Variants in TRAM1 observed in about 807,000 individuals in gnomAD.
TRAM1 encodes translocating chain-associated membrane protein 1.
TRAM1 carries 17 observed loss-of-function variants against 48.7 expected under a neutral mutation model. That is an observed-to-expected ratio of 0.35 (90% confidence interval 0.24 to 0.52). TRAM1 has a LOEUF of 0.52. Ranked by LOEUF, TRAM1 falls within the 20% of genes least tolerant of loss-of-function variation. The pLI, the probability that TRAM1 is intolerant of heterozygous loss-of-function variation, is 0.94. For synonymous variants in TRAM1, 182 were observed against 154.0 expected (o/e 1.18, Z -1.34); for missense variants, 351 against 441.5 (o/e 0.79, Z 1.84).
intron 10 of TRAM1, among the ~76,000 whole-genome samples, chr8:70,579,575 T>C (rs762041116): frequency 4.6e-5 from 7 of 152,214 alleles, no homozygotes; most frequent in Non-Finnish European, 1.0e-4. Flanking sequence ...TTAACATTGA[T>C]AGTCAATGTA....
At chr8:70,599,620 T>C (rs1164071296) in intron 2 of TRAM1, among the ~76,000 whole-genome samples, 2 of 152,212 alleles carry the variant, frequency 1.3e-5, no homozygotes, top group African/African-American at 2.4e-5. Flanking sequence ...AAGGATTGAT[T>C]GCTATTACAG....
chr8:70,597,794 A>G (rs1326312351), intron 4 of TRAM1, 101 bp downstream of exon 4: 14 of 869,318 alleles, frequency 1.6e-5, no homozygotes, highest in South Asian at 3.0e-5. Flanking sequence ...AATACCTAAA[A>G]CAGATTTATC....
chr8:70,583,894 TC>T, intron 8 of TRAM1, 101 bp from the exon 9 acceptor site: 4 of 1,347,702 alleles, frequency 3.0e-6, no homozygotes, highest in Non-Finnish European at 3.9e-6. Context: ...ACGCCTGTAA[TC>T]CCAGCTACTT....
chr8:70,575,499 G>A (rs953295698), intron 10 of TRAM1, among the ~76,000 whole-genome samples: 1 of 152,072 alleles, frequency 6.6e-6, no homozygotes, highest in African/African-American at 2.4e-5. Flanking sequence ...GCTCAATGCA[G>A]TCTTGAACTC....
At chr8:70,600,435 T>C (rs1817583473) in intron 1 of TRAM1, among the ~76,000 whole-genome samples, 1 of 152,162 alleles carries the variant, frequency 6.6e-6, no homozygotes, top group Non-Finnish European at 1.5e-5. Context: ...AAGTGTAAAT[T>C]AATAAAATAA....
At chr8:70,575,749 G>A (rs1312008088) in intron 10 of TRAM1, among the ~76,000 whole-genome samples, 4 of 152,044 alleles carry the variant, frequency 2.6e-5, no homozygotes, top group African/African-American at 7.2e-5. Context: ...AGATATCATT[G>A]AACTGAATAA....
intron 7 of TRAM1, 35 bp from the exon 8 acceptor site, chr8:70,587,034 A>G: frequency 1.2e-6 from 2 of 1,611,736 alleles, no homozygotes; most frequent in Non-Finnish European, 1.7e-6. Flanking sequence ...GGGAATATTA[A>G]TTATCAATTA....
At chr8:70,603,494 C>T (rs187443476) in intron 1 of TRAM1, among the ~76,000 whole-genome samples, 240 of 152,168 alleles carry the variant, frequency 1.6e-3, no homozygotes, top group African/African-American at 5.6e-3. Flanking sequence ...AGGTGGCTGG[C>T]TCACCTGAGG....
intron 10 of TRAM1, among the ~76,000 whole-genome samples, chr8:70,582,045 T>C (rs1324908730): frequency 6.6e-6 from 1 of 152,186 alleles, no homozygotes; most frequent in Non-Finnish European, 1.5e-5. Flanking sequence ...GTTTGCACGA[T>C]TTTGTGAACA....
intron 1 of TRAM1, chr8:70,607,553 C>T (rs1817769247): frequency 3.2e-6 from 3 of 932,582 alleles, no homozygotes; most frequent in Non-Finnish European, 3.8e-6. Context: ...CGGGGGCTCC[C>T]CTGTCACTCG....
intron 1 of TRAM1, among the ~76,000 whole-genome samples, chr8:70,605,574 A>G (rs1361024488): frequency 6.6e-6 from 1 of 152,268 alleles, no homozygotes; most frequent in Non-Finnish European, 1.5e-5. Context: ...TAGCACAAGT[A>G]CTGTAATTCT....
intron 3 of TRAM1, 57 bp from the exon 4 acceptor site, chr8:70,598,068 T>C (rs2132041579): frequency 6.5e-7 from 1 of 1,543,914 alleles, no homozygotes; most frequent in Non-Finnish European, 8.8e-7. Flanking sequence ...ATATTTAATA[T>C]ATGACTAGCA....
intron 6 of TRAM1, among the ~76,000 whole-genome samples, chr8:70,592,293 C>A (rs1245702587): frequency 6.6e-6 from 1 of 152,184 alleles, no homozygotes; most frequent in Non-Finnish European, 1.5e-5. Flanking sequence ...CTGCTACTAA[C>A]AGCGTTCCTT....
chr8:70,607,041 G>C, intron 1 of TRAM1: 1 of 886,788 alleles, frequency 1.1e-6, no homozygotes, highest in Non-Finnish European at 1.4e-6. Flanking sequence ...ACATGCAGGA[G>C]AGAGGAGACA....
At chr8:70,586,090 G>A (rs1441022718) in intron 8 of TRAM1, among the ~76,000 whole-genome samples, 1 of 151,654 alleles carries the variant, frequency 6.6e-6, no homozygotes, top group African/African-American at 2.4e-5. Flanking sequence ...ATACTATGCA[G>A]CCATAAAAAA....
At chr8:70,575,098 TA>T in intron 10 of TRAM1, 93 bp from the exon 11 acceptor site, 1 of 893,876 alleles carries the variant, frequency 1.1e-6, no homozygotes, top group Non-Finnish European at 1.7e-6. Context: ...AAAGAAAATG[TA>T]AAATCCAATT....
chr8:70,604,619 G>A (rs531717238), intron 1 of TRAM1, among the ~76,000 whole-genome samples: 1 of 151,176 alleles, frequency 6.6e-6, no homozygotes, highest in South Asian at 2.1e-4. Context: ...TCTGACCTGA[G>A]CACCTTACCT....
At chr8:70,590,367 T>C (rs1009414029) in intron 6 of TRAM1, among the ~76,000 whole-genome samples, 21 of 152,224 alleles carry the variant, frequency 1.4e-4, no homozygotes, top group Non-Finnish European at 1.0e-4. Flanking sequence ...CCATTTCTGA[T>C]CTTTTGTCTT....
chr8:70,576,573 T>TC (rs1430817778), intron 10 of TRAM1, among the ~76,000 whole-genome samples: 1 of 152,218 alleles, frequency 6.6e-6, no homozygotes, highest in African/African-American at 2.4e-5. Context: ...AATAGTATTA[T>TC]CTTTTTTTTC....
Sources: allele counts gnomAD v4.1 joint callset (sites outside exome capture counted in the v4.1 genomes callset), GRCh38; gene constraint gnomAD v4.1.1; transcripts MANE v1.5; gene names NCBI Gene and HGNC (gene_info 2026-07-23, HGNC 2026-07-21).